ADGRL2: variants seen among roughly 807,000 people sequenced by gnomAD.
The protein encoded by ADGRL2 is calcium-independent alpha-latrotoxin receptor 2.
Under a neutral mutation model 157.4 loss-of-function variants are expected in ADGRL2, and 44 were observed. The ratio of observed to expected loss-of-function variants is 0.28; its 90% CI spans 0.22 to 0.36. ADGRL2 has a LOEUF of 0.36. Ranked by LOEUF, ADGRL2 falls within the 10% of genes least tolerant of loss-of-function variation. The pLI, the probability that ADGRL2 is intolerant of heterozygous loss-of-function variation, is 1.00. For synonymous variants in ADGRL2, 585 were observed against 624.7 expected (o/e 0.94, Z 0.95); for missense variants, 1,510 against 1,768.9 (o/e 0.85, Z 2.63).
In ADGRL2 at chr1:81,558,515, G is replaced by T. The variant is rs557022839; in HGVS notation, c.-247-22361G>T. ...ACTGGTTTGTTGACAATGCCTTCAA[G>T]GCCATATTGCTACATGGGAGAATTT... On this transcript the variant is annotated intron_variant, in intron 2 of 24. Coordinates refer to the ADGRL2 transcript ENST00000370721. Among the ~76,000 whole-genome samples, 10 of 152,226 alleles carry T rather than the reference G, an allele frequency of 6.6e-5. No individual in the cohort carries two copies. The East Asian group carries it at 1.9e-3, about 29-fold the overall frequency.
intron 3 of ADGRL2, among the ~76,000 whole-genome samples, chr1:81,587,420 C>G (rs148712411): frequency 2.0e-3 from 297 of 152,074 alleles, no homozygotes; most frequent in African/African-American, 7.0e-3. Context: ...AGTAGGTATT[C>G]ATCAAGCAGA....
At chr1:81,571,399 ATATATATG>A (rs1009201218) in intron 2 of ADGRL2, among the ~76,000 whole-genome samples, 8 of 147,826 alleles carry the variant, frequency 5.4e-5, no homozygotes, top group East Asian at 2.0e-4. Context: ...ATGTGTATGT[ATATATATG>A]TATATATGTA....
At chr1:81,933,264 T>C (rs912041718) in intron 3 of ADGRL2, among the ~76,000 whole-genome samples, 1 of 152,210 alleles carries the variant, frequency 6.6e-6, no homozygotes, top group Non-Finnish European at 1.5e-5. Flanking sequence ...TCTTTTGCCT[T>C]GTTCTCATTC....
chr1:81,375,979 A>G (rs2076241742), intron 1 of ADGRL2, among the ~76,000 whole-genome samples: 2 of 152,182 alleles, frequency 1.3e-5, no homozygotes, highest in Admixed American at 6.5e-5. Flanking sequence ...AAATTAATGA[A>G]TTCAATTTTT....
intron 2 of ADGRL2, among the ~76,000 whole-genome samples, chr1:81,533,476 C>T (rs2079655460): frequency 6.6e-6 from 1 of 152,182 alleles, no homozygotes; most frequent in African/African-American, 2.4e-5. Flanking sequence ...CTGAATTTGT[C>T]TTCCACTTTA....
intron 1 of ADGRL2, among the ~76,000 whole-genome samples, chr1:81,436,917 C>A (rs1251470981): frequency 6.6e-6 from 1 of 152,236 alleles, no homozygotes; most frequent in Non-Finnish European, 1.5e-5. Flanking sequence ...GTTTTCCTTT[C>A]TTCTTTCCAC....
At chr1:81,604,414 A>C (rs1487295150) in intron 3 of ADGRL2, among the ~76,000 whole-genome samples, 1 of 152,200 alleles carries the variant, frequency 6.6e-6, no homozygotes, top group Non-Finnish European at 1.5e-5. Context: ...AAAACCTCCC[A>C]GGTTAGAGTA....
intron 1 of ADGRL2, among the ~76,000 whole-genome samples, chr1:81,808,928 C>A (rs904291670): frequency 6.6e-6 from 1 of 151,998 alleles, no homozygotes; most frequent in Non-Finnish European, 1.5e-5. Flanking sequence ...CCTGGAATTT[C>A]TAGGGAAAAT....
intron 1 of ADGRL2, among the ~76,000 whole-genome samples, chr1:81,728,677 G>C (rs1373215547): frequency 6.6e-6 from 1 of 152,066 alleles, no homozygotes; most frequent in Non-Finnish European, 1.5e-5. Context: ...CATCTCATGG[G>C]GCTGTCTCCT....
chr1:81,903,418 G>C (rs1206305700), intron 2 of ADGRL2, among the ~76,000 whole-genome samples: 3 of 151,986 alleles, frequency 2.0e-5, no homozygotes, highest in African/African-American at 7.3e-5. Flanking sequence ...AATGGCTTGA[G>C]TAGTCAGAGT....
intron 1 of ADGRL2, among the ~76,000 whole-genome samples, chr1:81,810,267 C>A (rs1014853809): frequency 6.6e-6 from 1 of 151,854 alleles, no homozygotes; most frequent in African/African-American, 2.4e-5. Flanking sequence ...TTAGTTGATA[C>A]AATATTTCTG....
intron 1 of ADGRL2, among the ~76,000 whole-genome samples, chr1:81,330,306 A>G (rs1278492518): frequency 6.6e-6 from 1 of 152,146 alleles, no homozygotes; most frequent in Non-Finnish European, 1.5e-5. Context: ...GTCACATGTC[A>G]CTGAATGAAA....
intron 17 of ADGRL2, among the ~76,000 whole-genome samples, chr1:81,978,932 A>G (rs904361664): frequency 1.3e-5 from 2 of 151,674 alleles, no homozygotes; most frequent in African/African-American, 2.4e-5. Flanking sequence ...TTTCCTTTTA[A>G]AAAGTAATCT....
intron 3 of ADGRL2, among the ~76,000 whole-genome samples, chr1:81,689,531 A>G (rs1005530301): frequency 6.6e-6 from 1 of 152,228 alleles, no homozygotes; most frequent in Non-Finnish European, 1.5e-5. Flanking sequence ...TTTTCACATC[A>G]TATTTCACAC....
At chr1:81,791,585 G>C (rs1408331256) in intron 2 of ADGRL2, among the ~76,000 whole-genome samples, 2 of 151,144 alleles carry the variant, frequency 1.3e-5, no homozygotes, top group Non-Finnish European at 2.9e-5. Context: ...TGGGTCAGTG[G>C]AACAGTGGCA....
intron 3 of ADGRL2, among the ~76,000 whole-genome samples, chr1:81,640,625 C>T (rs2082201102): frequency 1.0e-5 from 1 of 98,182 alleles, no homozygotes; most frequent in African/African-American, 4.1e-5. Context: ...AGCCAGACTC[C>T]ATCTCAAAAA....
At chr1:81,763,781 C>T (rs149900016) in intron 2 of ADGRL2, among the ~76,000 whole-genome samples, 1,708 of 137,228 alleles carry the variant, frequency 0.012, 30 homozygotes, top group Middle Eastern at 0.05. Flanking sequence ...CGGAGGCGGG[C>T]GGATTACCTG....
intron 1 of ADGRL2, among the ~76,000 whole-genome samples, chr1:81,404,497 G>T (rs555862174): frequency 1.3e-5 from 2 of 152,274 alleles, no homozygotes; most frequent in African/African-American, 2.4e-5. Context: ...GGAGGCATAA[G>T]GATGCTATTG....
intron 3 of ADGRL2, among the ~76,000 whole-genome samples, chr1:81,659,223 G>A (rs1033528299): frequency 1.5e-4 from 23 of 151,674 alleles, no homozygotes; most frequent in African/African-American, 3.4e-4. Context: ...CATCACGGCC[G>A]GCTGATTTTT....
Sources: allele counts gnomAD v4.1 joint callset (sites outside exome capture counted in the v4.1 genomes callset), GRCh38; gene constraint gnomAD v4.1.1; transcripts MANE v1.5; gene names NCBI Gene and HGNC (gene_info 2026-07-23, HGNC 2026-07-21).